Variants in PRKCE observed in about 807,000 individuals in gnomAD.
The protein encoded by PRKCE is protein kinase C epsilon.
In PRKCE, 16 loss-of-function variants were observed where a neutral mutation model predicts 85.4. The ratio of observed to expected loss-of-function variants is 0.19; its 90% CI spans 0.13 to 0.28. PRKCE has a LOEUF of 0.28. PRKCE is among the 10% of genes least tolerant of loss of function. The pLI, the probability that PRKCE is intolerant of heterozygous loss-of-function variation, is 1.00. For synonymous variants in PRKCE, 388 were observed against 371.5 expected (o/e 1.04, Z -0.51); for missense variants, 573 against 975.2 (o/e 0.59, Z 5.49).
chr2:46,088,435 A>G (rs1311504818), intron 11 of PRKCE, among the ~76,000 whole-genome samples: 1 of 152,144 alleles, frequency 6.6e-6, no homozygotes, highest in Non-Finnish European at 1.5e-5. Context: ...AGAAATCGCA[A>G]TTTGAGACTT....
chr2:45,940,068 G>A (rs1302455846), intron 2 of PRKCE, among the ~76,000 whole-genome samples: 5 of 152,148 alleles, frequency 3.3e-5, no homozygotes, highest in Admixed American at 1.3e-4. Context: ...TTGTCTCTGC[G>A]TCTTCCTGCC....
rs1486876857 is a variant in PRKCE, at chr2:45,695,941, T to A, written c.348+43493T>A. On this transcript the variant is annotated intron_variant, in intron 1 of 14. Transcript: ENST00000306156. ...TAATTACTTAAAATTTTTCTTTTTT[T>A]ATTTTATTATTATTATACTTTAAGT... Among the ~76,000 whole-genome samples, 3 of 152,324 alleles carry A rather than the reference T, an allele frequency of 2.0e-5. No homozygotes were observed. The South Asian group carries it at 6.2e-4, about 32-fold the overall frequency.
intron 1 of PRKCE, among the ~76,000 whole-genome samples, chr2:45,798,248 A>T (rs1189373011): frequency 1.3e-5 from 2 of 152,240 alleles, no homozygotes; most frequent in Non-Finnish European, 2.9e-5. Flanking sequence ...TAGTTCTAAA[A>T]TAAAAAAGGA....
At chr2:45,655,188 A>G (rs1675320125) in intron 1 of PRKCE, among the ~76,000 whole-genome samples, 1 of 152,086 alleles carries the variant, frequency 6.6e-6, no homozygotes, top group Admixed American at 6.6e-5. Context: ...GCCCTGGGTT[A>G]CTCTCAAGGG....
intron 11 of PRKCE, among the ~76,000 whole-genome samples, chr2:46,087,932 G>A (rs531011661): frequency 2.3e-4 from 35 of 152,336 alleles, no homozygotes; most frequent in South Asian, 2.1e-3. Context: ...TAACTTCAGG[G>A]AAGGTCTGGG....
At chr2:45,949,426 G>GTTT (rs34381919) in intron 2 of PRKCE, among the ~76,000 whole-genome samples, 2 of 114,060 alleles carry the variant, frequency 1.8e-5, no homozygotes, top group Non-Finnish European at 1.8e-5. Context: ...TTTGATTGTT[G>GTTT]TTTTTTTTTT....
At chr2:45,965,517 T>G (rs1294915655) in intron 2 of PRKCE, among the ~76,000 whole-genome samples, 1 of 152,236 alleles carries the variant, frequency 6.6e-6, no homozygotes, top group Non-Finnish European at 1.5e-5. Flanking sequence ...CACCCTAGCT[T>G]CTGTGAGGAG....
chr2:45,711,915 G>A (rs1395969377), intron 1 of PRKCE, among the ~76,000 whole-genome samples: 1 of 152,054 alleles, frequency 6.6e-6, no homozygotes, highest in Non-Finnish European at 1.5e-5. Flanking sequence ...GAGCCAACAC[G>A]CCCGGCCTCC....
intron 1 of PRKCE, among the ~76,000 whole-genome samples, chr2:45,681,542 T>C (rs1224311686): frequency 1.3e-5 from 2 of 152,176 alleles, no homozygotes; most frequent in Non-Finnish European, 2.9e-5. Context: ...AAAATTGTTT[T>C]GGTTTTGGTG....
At chr2:45,896,126 A>T (rs1696121094) in intron 2 of PRKCE, among the ~76,000 whole-genome samples, 1 of 152,152 alleles carries the variant, frequency 6.6e-6, no homozygotes, top group Non-Finnish European at 1.5e-5. Flanking sequence ...GCCTTGTCCG[A>T]GTCAGTTAAC....
chr2:45,910,691 C>A (rs1053845574), intron 2 of PRKCE, among the ~76,000 whole-genome samples: 4 of 152,182 alleles, frequency 2.6e-5, no homozygotes, highest in Non-Finnish European at 4.4e-5. Flanking sequence ...ACACTAGATT[C>A]TTTCCTTAAC....
chr2:46,136,868 G>C (rs1333525007), intron 11 of PRKCE, among the ~76,000 whole-genome samples: 1 of 152,200 alleles, frequency 6.6e-6, no homozygotes, highest in Admixed American at 6.5e-5. Context: ...TCTCATCTCT[G>C]TTCCACATCA....
intron 10 of PRKCE, among the ~76,000 whole-genome samples, chr2:46,032,371 C>T (rs965328756): frequency 4.3e-4 from 65 of 152,288 alleles, no homozygotes; most frequent in African/African-American, 1.5e-3. Context: ...CAGCATTTGT[C>T]TATGGAATGA....
chr2:45,866,646 G>A lies in PRKCE; in HGVS notation c.412+23583G>A, dbSNP rs180758899. Among the ~76,000 whole-genome samples, 38 of 152,332 alleles carry A rather than the reference G, an allele frequency of 2.5e-4. No homozygotes were observed. In the South Asian group the frequency reaches 4.6e-3, roughly 18 times the overall value. ...GACTAACAATGGCGGGGAAGCAGGC[G>A]ACGGTGTTAATCTGCGTTGTTCAGG... On this transcript the variant is annotated intron_variant, in intron 2 of 14. Transcript: ENST00000306156.
At chr2:45,944,735 C>T (rs1700126793) in intron 2 of PRKCE, among the ~76,000 whole-genome samples, 1 of 133,684 alleles carries the variant, frequency 7.5e-6, no homozygotes, top group Admixed American at 8.1e-5. Context: ...GTCCTGGGCT[C>T]AAGCGATCCA....
chr2:45,917,025 C>T (rs1050979075), intron 2 of PRKCE, among the ~76,000 whole-genome samples: 3 of 152,120 alleles, frequency 2.0e-5, no homozygotes, highest in Admixed American at 2.0e-4. Flanking sequence ...AAAGAACAAA[C>T]CTTCCACAGT....
chr2:46,132,270 G>A (rs1030193267), intron 11 of PRKCE, among the ~76,000 whole-genome samples: 21 of 152,058 alleles, frequency 1.4e-4, no homozygotes, highest in African/African-American at 4.8e-4. Context: ...TTGTCACACT[G>A]TATGTGATCC....
chr2:45,976,257 C>A (rs1188346998), intron 2 of PRKCE, among the ~76,000 whole-genome samples, 172 bp from the exon 3 acceptor site: 1 of 152,176 alleles, frequency 6.6e-6, no homozygotes, highest in East Asian at 1.9e-4. Context: ...CTCGCTCACT[C>A]CAGCTGCTCA....
rs3834107 is a variant in PRKCE at position 46,184,434 on chromosome 2, A to AACACACACACACAC, written c.2068-286_2068-273dup. 1.7e-4 allele frequency among the ~76,000 whole-genome samples: 26 copies of AACACACACACACAC among 149,096 alleles called. No homozygotes were observed. Among genetic ancestry groups the AACACACACACACAC allele is most frequent in the Non-Finnish European group, 2.7e-4 (18 of 67,228 alleles). ...GGGACCTTTGCATCATACACACACA[A>AACACACACACACAC]ACACACACACACACACACACACACA... is the stretch of plus-strand genomic sequence containing the variant. On this transcript the variant is annotated intron_variant, in intron 14 of 14. Coordinates refer to ENST00000306156, the MANE Select transcript of PRKCE (RefSeq NM_005400.3). This position sits in a 1 kb window ranked among gnomAD's most constrained non-coding sequence, Gnocchi z 5.0.
Sources: allele counts gnomAD v4.1 joint callset (sites outside exome capture counted in the v4.1 genomes callset), GRCh38; gene constraint gnomAD v4.1.1; non-coding constraint Gnocchi (gnomAD v3.1); transcripts MANE v1.5; gene names NCBI Gene and HGNC (gene_info 2026-07-23, HGNC 2026-07-21).